The following EMC1 variants were observed in gnomAD, a reference collection of about 807,000 sequenced individuals.
EMC1 encodes ER membrane protein complex subunit 1.
A neutral mutation model predicts 128.8 loss-of-function variants in EMC1; 103 were observed. The ratio of observed to expected loss-of-function variants is 0.80; its 90% CI spans 0.68 to 0.94. The LOEUF (loss-of-function observed/expected upper bound fraction) is 0.94, where lower values mean the gene tolerates loss of function less well. Among genes scored for constraint, EMC1 ranks in the 40% least tolerant of loss-of-function variants. The pLI is 0.00. For synonymous variants in EMC1, 442 were observed against 490.4 expected, an observed-to-expected ratio of 0.90 and a Z score of 1.30; for missense variants, 1,083 against 1,250.6, an observed-to-expected ratio of 0.87 and a Z score of 2.02.
chr1:19,233,381 T>C (rs903519036), intron 13 of EMC1, among the ~76,000 whole-genome samples: 24 of 152,102 alleles, frequency 1.6e-4, no homozygotes, highest in Admixed American at 1.4e-3. Context: ...AATCTTGGAA[T>C]AGGAGACTAA....
At chr1:19,225,964 G>A (rs2093470052) in intron 18 of EMC1, among the ~76,000 whole-genome samples, 1 of 152,136 alleles carries the variant, frequency 6.6e-6, no homozygotes, top group Non-Finnish European at 1.5e-5. Context: ...GGGGAAAATT[G>A]AAGCTCAGGC....
At chr1:19,250,540 T>A (rs997804305) in intron 1 of EMC1, among the ~76,000 whole-genome samples, 1 of 152,172 alleles carries the variant, frequency 6.6e-6, no homozygotes, top group Non-Finnish European at 1.5e-5. Flanking sequence ...TCAACATATA[T>A]GCGAATCAAC....
At chr1:19,240,844 G>A (rs2093601379) in intron 6 of EMC1, 172 bp downstream of exon 6, 4 of 712,866 alleles carry the variant, frequency 5.6e-6, no homozygotes, top group African/African-American at 1.8e-5. Flanking sequence ...ATGCAAATAT[G>A]AGTACTTTAA....
intron 12 of EMC1, among the ~76,000 whole-genome samples, chr1:19,235,893 AAAAT>A (rs988225611): frequency 5.3e-5 from 8 of 152,010 alleles, no homozygotes; most frequent in African/African-American, 1.7e-4. Flanking sequence ...CTTGTCTCAA[AAAAT>A]AAATAAATAA....
chr1:19,223,586 A>G lies in EMC1; in HGVS notation c.2203-17T>C. On this transcript the variant is annotated splice_polypyrimidine_tract_variant and intron_variant, in intron 18 of 22. Transcript: ENST00000477853. The stretch of plus-strand genomic sequence containing the variant: ...GTTCAGGCTCTGGAGAGAGAGAGAA[A>G]ACCTCCCTTAGAACCACGACGACTC... The G allele has an allele frequency of 6.2e-7, 1 of 1,612,074 alleles. No homozygotes were observed. Among genetic ancestry groups the G allele is most frequent in the Non-Finnish European group, 8.5e-7 (1 of 1,179,480 alleles).
chr1:19,239,438 C>A (rs1406070869), intron 8 of EMC1, 136 bp from the exon 9 acceptor site: 6 of 709,572 alleles, frequency 8.5e-6, no homozygotes, highest in African/African-American at 7.1e-5. Flanking sequence ...AATGGTCAGG[C>A]ATTTAAGAGC....
intron 1 of EMC1, among the ~76,000 whole-genome samples, chr1:19,246,876 C>T (rs1334349293): frequency 6.6e-6 from 1 of 152,104 alleles, no homozygotes; most frequent in Non-Finnish European, 1.5e-5. Context: ...GTGTTGAAAC[C>T]CTATCCCCCA....
At chr1:19,235,469 A>C (rs1245885471) in intron 12 of EMC1, among the ~76,000 whole-genome samples, 1 of 152,204 alleles carries the variant, frequency 6.6e-6, no homozygotes, top group Non-Finnish European at 1.5e-5. Flanking sequence ...TTGGGAGGCC[A>C]AGGCGGGCAG....
At position 19,238,211 on chromosome 1, in the gene EMC1, G is replaced by A. The variant is rs2093580472; in HGVS notation, c.1090-72C>T. 20 of 1,569,316 alleles carry A rather than the reference G, an allele frequency of 1.3e-5. No individual in the cohort carries two copies. In the South Asian group the frequency reaches 1.7e-4, roughly 14 times the overall value. On this transcript the variant is annotated intron_variant, in intron 10 of 22. Coordinates refer to ENST00000477853, the MANE Select transcript of EMC1 (RefSeq NM_015047.3). ...CAAAGCCCACCAAAGGAAGTCCAAGGATTGGGGGCAAATACCCTAGAGAAG... is the reference window on the plus strand; with the variant it reads ...CAAAGCCCACCAAAGGAAGTCCAAGAATTGGGGGCAAATACCCTAGAGAAG...
chr1:19,240,157 C>A, intron 7 of EMC1, 140 bp downstream of exon 7: 2 of 1,237,136 alleles, frequency 1.6e-6, no homozygotes, highest in Admixed American at 4.7e-5. Context: ...TTTCCTCTTA[C>A]ACCAGTTCAG....
intron 16 of EMC1, 115 bp downstream of exon 16, chr1:19,231,146 A>T: frequency 7.3e-7 from 1 of 1,367,132 alleles, no homozygotes; most frequent in Non-Finnish European, 1.0e-6. Flanking sequence ...ATGGCCTTAG[A>T]GCCCAAACAC....
At chr1:19,244,091 T>C in intron 2 of EMC1, 76 bp from the exon 3 acceptor site, 3 of 1,425,650 alleles carry the variant, frequency 2.1e-6, no homozygotes, top group Non-Finnish European at 9.9e-7. Context: ...AATGAAGAGC[T>C]CTTCATTTGC....
intron 5 of EMC1, 63 bp downstream of exon 5, chr1:19,242,282 G>A: frequency 6.3e-7 from 1 of 1,593,392 alleles, no homozygotes; most frequent in South Asian, 1.1e-5. Flanking sequence ...GTCCCTCGAG[G>A]AGAAAGAGGA....
chr1:19,228,205 CAAAAAAAAA>C (rs35109698), intron 17 of EMC1, among the ~76,000 whole-genome samples: 1 of 101,928 alleles, frequency 9.8e-6, no homozygotes, highest in East Asian at 2.6e-4. Flanking sequence ...AACTCCGGCT[CAAAAAAAAA>C]AAAAAAAAGA....
intron 9 of EMC1, 136 bp downstream of exon 9, chr1:19,239,095 C>T (rs1340243572): frequency 3.7e-6 from 3 of 804,536 alleles, no homozygotes; most frequent in Non-Finnish European, 6.3e-6. Context: ...TGAGGCAAGA[C>T]CTCACTTCTC....
At position 19,242,409 on chromosome 1, in the gene EMC1, T is replaced by C; in HGVS notation, c.445A>G (p.Thr149Ala). 3.7e-6 allele frequency: 6 copies of C among 1,614,126 alleles called. No homozygotes were observed. The highest frequency in any genetic ancestry group is 5.1e-6 in the Non-Finnish European group (6 of 1,179,998). The stretch of plus-strand genomic sequence containing the variant: ...GAGAGGTGATGGAGGGCAAGTGTAG[T>C]CTTCTTCAGGACTGCGATGTACCTT... ...SVRYIAVLKK[T>A]TLALHHLSSG... Residue 149 changes from threonine (T) to alanine (A), a missense_variant, in exon 5 of 23, where the codon ACT (threonine) becomes GCT (alanine). Physicochemically the swap from Thr to Ala is moderately conservative, Grantham distance 58. Coordinates refer to ENST00000477853, the MANE Select transcript of EMC1 (RefSeq NM_015047.3).
At chr1:19,238,753 T>A (rs1157016062) in intron 10 of EMC1, 42 bp downstream of exon 10, 2 of 1,417,150 alleles carry the variant, frequency 1.4e-6, no homozygotes, top group Admixed American at 3.5e-5. Context: ...GGTGGCCTCC[T>A]GCGTCTCTAG....
At chr1:19,238,974 AC>A in intron 9 of EMC1, 117 bp from the exon 10 acceptor site, 1 of 808,172 alleles carries the variant, frequency 1.2e-6, no homozygotes, top group South Asian at 1.5e-5. Flanking sequence ...CTCATTTCTC[AC>A]CCCTGCCCAC....
In EMC1 at chr1:19,235,606, CAGG is replaced by C. The variant is rs1487504285; in HGVS notation, c.1310-357_1310-355del. ...GTTCCAGCTACTCGGGAGGCTGAGGCAGGAGAATGGCGTGAACCCGGGAGGTGG... is the reference window on the plus strand; with the variant it reads ...GTTCCAGCTACTCGGGAGGCTGAGGCAGAATGGCGTGAACCCGGGAGGTGG... On this transcript the variant is annotated intron_variant, in intron 12 of 22. Transcript: ENST00000477853. 2.6e-5 allele frequency among the ~76,000 whole-genome samples: 4 copies of C among 152,210 alleles called. No homozygotes were observed. In the South Asian group the frequency reaches 8.3e-4, roughly 32 times the overall value.
Sources: allele counts gnomAD v4.1 joint callset (sites outside exome capture counted in the v4.1 genomes callset), GRCh38; gene constraint gnomAD v4.1.1; transcripts MANE v1.5; gene names NCBI Gene and HGNC (gene_info 2026-07-23, HGNC 2026-07-21).